Variants in GRID1 observed in about 807,000 individuals in gnomAD.
GRID1 encodes the protein glutamate ionotropic receptor delta type subunit 1.
A neutral mutation model predicts 98.0 loss-of-function variants in GRID1; 28 were observed. The ratio of observed to expected loss-of-function variants is 0.29; its 90% CI spans 0.21 to 0.39. The LOEUF (loss-of-function observed/expected upper bound fraction) is 0.39. Ranked by LOEUF, GRID1 falls within the 10% of genes least tolerant of loss-of-function variation. The pLI, the probability that GRID1 is intolerant of heterozygous loss-of-function variation, is 1.00. For synonymous variants in GRID1, 553 were observed against 538.5 expected, an observed-to-expected ratio of 1.03 and a Z score of -0.37; for missense variants, 1,111 against 1,340.5, an observed-to-expected ratio of 0.83 and a Z score of 2.67.
chr10:85,732,422 C>G (rs1380012956), intron 8 of GRID1, among the ~76,000 whole-genome samples: 1 of 152,172 alleles, frequency 6.6e-6, no homozygotes, highest in African/African-American at 2.4e-5. Flanking sequence ...TCTCTACTGT[C>G]TTGGCTTGGA....
At chr10:86,019,796 A>G (rs1843025951) in intron 4 of GRID1, among the ~76,000 whole-genome samples, 1 of 152,218 alleles carries the variant, frequency 6.6e-6, no homozygotes, top group South Asian at 2.1e-4. Flanking sequence ...GCAAAAATCT[A>G]TTTGGCCAAG....
At chr10:86,363,422 A>G (rs551687063) in intron 2 of GRID1, among the ~76,000 whole-genome samples, 2 of 152,184 alleles carry the variant, frequency 1.3e-5, no homozygotes, top group Non-Finnish European at 2.9e-5. Flanking sequence ...CGCCGGGCTG[A>G]GGCTCTGGGG....
intron 8 of GRID1, among the ~76,000 whole-genome samples, chr10:85,744,090 A>C (rs539535984): frequency 6.6e-6 from 1 of 152,316 alleles, no homozygotes; most frequent in East Asian, 1.9e-4. Context: ...GACTAGCCAG[A>C]AAATGTGGAC....
At chr10:86,037,543 C>T (rs1216459147) in intron 4 of GRID1, among the ~76,000 whole-genome samples, 2 of 152,162 alleles carry the variant, frequency 1.3e-5, no homozygotes, top group Non-Finnish European at 2.9e-5. Context: ...ATGTGCTTCC[C>T]TTAGAAGGTT....
chr10:85,832,902 C>T (rs1446507659), intron 8 of GRID1, among the ~76,000 whole-genome samples: 1 of 152,140 alleles, frequency 6.6e-6, no homozygotes, highest in Non-Finnish European at 1.5e-5. Context: ...ACTACCCTTC[C>T]ACACTAACTA....
At chr10:85,817,462 G>C (rs1267183941) in intron 8 of GRID1, among the ~76,000 whole-genome samples, 7 of 152,122 alleles carry the variant, frequency 4.6e-5, no homozygotes, top group African/African-American at 1.2e-4. Context: ...AGAGGTCAAG[G>C]CTGCAGTGGG....
chr10:85,850,593 T>C (rs1843049180), intron 8 of GRID1, among the ~76,000 whole-genome samples: 1 of 152,164 alleles, frequency 6.6e-6, no homozygotes, highest in Non-Finnish European at 1.5e-5. Context: ...GGAGCTATAG[T>C]CTAGGGCACT....
At chr10:86,185,907 G>A (rs1212450785) in intron 3 of GRID1, among the ~76,000 whole-genome samples, 1 of 152,180 alleles carries the variant, frequency 6.6e-6, no homozygotes, top group Non-Finnish European at 1.5e-5. Context: ...GTTTTGGTCA[G>A]TTTTAGTACC....
chr10:85,769,021 T>C (rs11201780), intron 8 of GRID1, among the ~76,000 whole-genome samples: 8,017 of 152,234 alleles, frequency 0.053, 366 homozygotes, highest in African/African-American at 0.12. Context: ...AAATAAATCA[T>C]GCTCTATTCA....
intron 4 of GRID1, among the ~76,000 whole-genome samples, chr10:86,117,423 C>A (rs187864093): frequency 6.6e-6 from 1 of 151,968 alleles, no homozygotes; most frequent in African/African-American, 2.4e-5. Context: ...ACTATTACCA[C>A]CACCAATACA....
At chr10:85,858,227 G>A (rs1843132147) in intron 6 of GRID1, among the ~76,000 whole-genome samples, 1 of 152,224 alleles carries the variant, frequency 6.6e-6, no homozygotes, top group African/African-American at 2.4e-5. Flanking sequence ...ACAGGTAGGT[G>A]GAGGATGGCC....
At chr10:85,724,244 A>T in intron 11 of GRID1, 108 bp downstream of exon 11, 1 of 775,932 alleles carries the variant, frequency 1.3e-6, no homozygotes, top group Non-Finnish European at 2.1e-6. Flanking sequence ...AGATTAAGTA[A>T]AATTGCATTT....
At chr10:86,248,317 G>C (rs1437594388) in intron 2 of GRID1, among the ~76,000 whole-genome samples, 1 of 152,092 alleles carries the variant, frequency 6.6e-6, no homozygotes, top group Non-Finnish European at 1.5e-5. Context: ...TGCCATGCTG[G>C]GCCCCACCTC....
intron 2 of GRID1, among the ~76,000 whole-genome samples, chr10:86,335,601 G>A (rs1443088498): frequency 6.6e-6 from 1 of 152,182 alleles, no homozygotes; most frequent in Non-Finnish European, 1.5e-5. Context: ...TTCTTCCCCA[G>A]CCTGGAAAGT....
intron 2 of GRID1, among the ~76,000 whole-genome samples, chr10:86,355,159 G>A (rs1036006281): frequency 6.6e-6 from 1 of 152,228 alleles, no homozygotes; most frequent in African/African-American, 2.4e-5. Flanking sequence ...CCTCTCAGCT[G>A]TCCTCTATTC....
At chr10:85,755,731 G>A (rs892868106) in intron 8 of GRID1, among the ~76,000 whole-genome samples, 2 of 152,266 alleles carry the variant, frequency 1.3e-5, no homozygotes, top group South Asian at 2.1e-4. Flanking sequence ...ATAAGCACAC[G>A]TGTTGGGGCC....
At chr10:86,282,619 T>C (rs898381072) in intron 2 of GRID1, among the ~76,000 whole-genome samples, 1 of 152,156 alleles carries the variant, frequency 6.6e-6, no homozygotes, top group Admixed American at 6.5e-5. Context: ...CATTTAAGCA[T>C]GGCAGTACCC....
chr10:85,880,953 A>G (rs939065381), intron 5 of GRID1, among the ~76,000 whole-genome samples: 1 of 152,210 alleles, frequency 6.6e-6, no homozygotes, highest in Non-Finnish European at 1.5e-5. Context: ...ATGTACAAAA[A>G]TCACAAGCAT....
intron 8 of GRID1, among the ~76,000 whole-genome samples, chr10:85,798,244 C>A (rs539863257): frequency 1.3e-5 from 2 of 152,220 alleles, no homozygotes; most frequent in East Asian, 3.9e-4. Context: ...GTCTTCTTTG[C>A]AAATTTTGCT....
Sources: gnomAD v4.1 joint callset for allele counts (sites outside exome capture counted in the v4.1 genomes callset) on GRCh38, gnomAD v4.1.1 for gene constraint, MANE v1.5 for transcripts, NCBI Gene and HGNC (gene_info 2026-07-23, HGNC 2026-07-21) for gene names.